NELL1: variants seen among roughly 807,000 people sequenced by gnomAD.
NELL1 encodes protein kinase C-binding protein NELL1.
In NELL1, 76 loss-of-function variants were observed where a neutral mutation model predicts 107.4. The observed-to-expected ratio is 0.71, with a 90% confidence interval of 0.59 to 0.86. The LOEUF (loss-of-function observed/expected upper bound fraction) is 0.86. Ranked by LOEUF, NELL1 falls within the 40% of genes least tolerant of loss-of-function variation. The pLI is 0.00. For synonymous variants in NELL1, 353 were observed against 341.2 expected (o/e 1.03, Z -0.38); for missense variants, 1,024 against 1,005.5 (o/e 1.02, Z -0.25).
Position 21,313,996 on chromosome 11 carries a change from C to A in NELL1, c.1550-56857C>A, listed in dbSNP as rs1260639246. Among the ~76,000 whole-genome samples the A allele has an allele frequency of 7.8e-3, 95 of 12,136 alleles. 1 individual carries two copies. The highest frequency in any genetic ancestry group is 0.014 in the African/African-American group (29 of 2,052). The allele number at this position is 12,136 out of a possible 152,430, so 8.0% of individuals were successfully genotyped here. A position where few individuals can be genotyped will look rare whatever the true frequency, so the allele number is the denominator to read the frequency against. On this transcript the variant is annotated intron_variant, in intron 14 of 19. Transcript: ENST00000357134. ...AGTGTATGGAACCTACACTCTGCCC[C>A]CCCCCCCCCCCCCGCGACCCCCACT...
At chr11:21,550,247 G>A (rs1856545384) in intron 16 of NELL1, among the ~76,000 whole-genome samples, 1 of 151,984 alleles carries the variant, frequency 6.6e-6, no homozygotes, top group Admixed American at 6.6e-5. Context: ...TTAGCCCTTT[G>A]TCAGATGAGT....
chr11:21,383,451 A>T (rs1383370500), intron 15 of NELL1, among the ~76,000 whole-genome samples: 4 of 151,890 alleles, frequency 2.6e-5, no homozygotes, highest in African/African-American at 9.6e-5. Context: ...CAGTGCTTAA[A>T]AGATAAAGTC....
At chr11:21,184,503 C>A (rs1856892502) in intron 13 of NELL1, among the ~76,000 whole-genome samples, 1 of 151,802 alleles carries the variant, frequency 6.6e-6, no homozygotes, top group African/African-American at 2.4e-5. Context: ...CTTCTGACCC[C>A]AAGTGATCCA....
intron 2 of NELL1, chr11:20,769,338 A>G (rs1215799284): frequency 6.6e-6 from 1 of 152,404 alleles, no homozygotes; most frequent in Non-Finnish European, 1.5e-5. Flanking sequence ...GCAGTGTCAA[A>G]AGGGCAGAAT....
chr11:21,563,545 A>T (rs1441034559), intron 17 of NELL1, among the ~76,000 whole-genome samples: 2 of 152,044 alleles, frequency 1.3e-5, no homozygotes, highest in Admixed American at 6.6e-5. Flanking sequence ...GATAATGCAA[A>T]TTTAAATTAA....
chr11:21,305,422 C>T (rs796922632), intron 14 of NELL1, among the ~76,000 whole-genome samples: 19 of 152,042 alleles, frequency 1.2e-4, no homozygotes, highest in African/African-American at 4.1e-4. Context: ...CTTAGAGTAT[C>T]GTTTGATGCC....
chr11:21,209,154 G>A (rs1380650110), intron 13 of NELL1, among the ~76,000 whole-genome samples: 2 of 151,954 alleles, frequency 1.3e-5, no homozygotes, highest in Non-Finnish European at 2.9e-5. Context: ...TTTTGACTTA[G>A]AAAAATGCTG....
At chr11:20,914,030 C>T (rs905354614) in intron 5 of NELL1, among the ~76,000 whole-genome samples, 1 of 152,014 alleles carries the variant, frequency 6.6e-6, no homozygotes, top group Non-Finnish European at 1.5e-5. Flanking sequence ...TTTGTAGCAA[C>T]ATGTTGTTGG....
chr11:20,962,635 G>A (rs1185611771), intron 12 of NELL1, among the ~76,000 whole-genome samples: 1 of 152,178 alleles, frequency 6.6e-6, no homozygotes, highest in Non-Finnish European at 1.5e-5. Context: ...GGCTCCATGA[G>A]GAGCCATCTG....
intron 10 of NELL1, among the ~76,000 whole-genome samples, chr11:20,939,875 G>A (rs1850812597): frequency 1.3e-5 from 2 of 151,922 alleles, no homozygotes; most frequent in South Asian, 4.2e-4. Flanking sequence ...GAGTTTGATT[G>A]TACTTTGGCT....
chr11:20,941,044 C>A (rs1290732151), intron 10 of NELL1, among the ~76,000 whole-genome samples: 1 of 152,088 alleles, frequency 6.6e-6, no homozygotes, highest in Admixed American at 6.6e-5. Flanking sequence ...GAGGCAGAGG[C>A]AGGAGAATTG....
intron 2 of NELL1, among the ~76,000 whole-genome samples, chr11:20,680,223 A>G (rs890862249): frequency 3.3e-5 from 5 of 152,110 alleles, no homozygotes; most frequent in African/African-American, 1.2e-4. Context: ...GATTCTGTCA[A>G]TTAGCACCTG....
intron 13 of NELL1, among the ~76,000 whole-genome samples, chr11:21,143,351 G>A (rs1264094391): frequency 6.6e-6 from 1 of 152,140 alleles, no homozygotes; most frequent in Non-Finnish European, 1.5e-5. Context: ...TCAAGGTATA[G>A]TTAGAGTACT....
At chr11:20,913,974 C>G (rs773971303) in intron 5 of NELL1, among the ~76,000 whole-genome samples, 2 of 151,990 alleles carry the variant, frequency 1.3e-5, no homozygotes, top group Non-Finnish European at 2.9e-5. Flanking sequence ...TGGTATCTAT[C>G]TATTAAGGCA....
In NELL1 at chr11:21,241,240, A is replaced by G. The variant is rs150675805; in HGVS notation, c.1549+11786A>G. Among the ~76,000 whole-genome samples, 267 of 152,180 alleles carry G rather than the reference A, an allele frequency of 1.8e-3. 3 individuals carry two copies. In the South Asian group the frequency reaches 0.022, roughly 13 times the overall value. On this transcript the variant is annotated intron_variant, in intron 14 of 19. Coordinates refer to ENST00000357134, the MANE Select transcript of NELL1 (RefSeq NM_006157.5). ...TATGTAGGCTATCTACTGGATTATG[A>G]TCTGTTTTGGGTAGCAGTTATTTGC...
chr11:21,074,135 G>A (rs559177666), intron 12 of NELL1, among the ~76,000 whole-genome samples: 304 of 152,206 alleles, frequency 2.0e-3, no homozygotes, highest in African/African-American at 7.0e-3. Context: ...AGATTCTTGC[G>A]ACTCAAGATG....
rs61192149 is a variant in NELL1, at chr11:21,277,890, G to C, written c.1549+48436G>C. On this transcript the variant is annotated intron_variant, in intron 14 of 19. Coordinates refer to ENST00000357134, the MANE Select transcript of NELL1 (RefSeq NM_006157.5). ...CAGGAATAGGAACATCACACACCGG[G>C]GCCTGTTGTGGGGTGAGGGAAGGGG... 6.0e-3 allele frequency among the ~76,000 whole-genome samples: 920 copies of C among 152,216 alleles called. 7 individuals are homozygous for C. Among genetic ancestry groups the C allele is most frequent in the African/African-American group, 0.021 (876 of 41,512 alleles).
chr11:21,516,803 A>G (rs552074389), intron 15 of NELL1, among the ~76,000 whole-genome samples: 1 of 148,480 alleles, frequency 6.7e-6, no homozygotes, highest in Non-Finnish European at 1.5e-5. Flanking sequence ...GCGATTTGGC[A>G]TTGGTATTTT....
intron 12 of NELL1, among the ~76,000 whole-genome samples, chr11:20,998,681 G>A (rs981566383): frequency 6.6e-6 from 1 of 152,202 alleles, no homozygotes; most frequent in Admixed American, 6.5e-5. Flanking sequence ...TGACCAGTAG[G>A]AAAACATCGG....
Sources: allele counts gnomAD v4.1 joint callset (sites outside exome capture counted in the v4.1 genomes callset), GRCh38; gene constraint gnomAD v4.1.1; transcripts MANE v1.5; gene names NCBI Gene and HGNC (gene_info 2026-07-23, HGNC 2026-07-21).